Variants in RAPGEF4 observed in about 807,000 individuals in gnomAD.
The protein encoded by RAPGEF4 is RAP guanine-nucleotide-exchange factor (GEF) 4.
RAPGEF4 carries 66 observed loss-of-function variants against 147.9 expected under a neutral mutation model. The ratio of observed to expected loss-of-function variants is 0.45; its 90% CI spans 0.37 to 0.55. RAPGEF4 has a LOEUF of 0.55. RAPGEF4 is among the 20% of genes least tolerant of loss of function. The pLI, the probability that RAPGEF4 is intolerant of heterozygous loss-of-function variation, is 0.00. For missense variants in RAPGEF4, 1,071 were observed against 1,257.3 expected, an observed-to-expected ratio of 0.85 and a Z score of 2.24; for synonymous variants, 419 against 442.7, an observed-to-expected ratio of 0.95 and a Z score of 0.67.
intron 17 of RAPGEF4, among the ~76,000 whole-genome samples, chr2:173,014,176 C>T (rs182534732): frequency 6.6e-5 from 10 of 152,304 alleles, no homozygotes; most frequent in Non-Finnish European, 1.2e-4. Flanking sequence ...CAGAGAATGA[C>T]AGCTAGAGCT....
At chr2:172,970,686 G>A (rs1215490770) in intron 10 of RAPGEF4, among the ~76,000 whole-genome samples, 1 of 151,932 alleles carries the variant, frequency 6.6e-6, no homozygotes, top group Admixed American at 6.6e-5. Flanking sequence ...AAAATTCTCT[G>A]TTTATTACAT....
rs183096630 is a variant in RAPGEF4, at chr2:173,014,532, G to A, written c.1727G>A (p.Arg576Gln). 8.1e-6 allele frequency: 13 copies of A among 1,614,096 alleles called. No individual in the cohort carries two copies. The highest frequency in any genetic ancestry group is 1.6e-4 in the Middle Eastern group (1 of 6,062). The change falls in exon 18 of 31, where the codon CGA becomes CAA. Residue 576 changes from arginine (R) to glutamine (Q), a missense_variant. Arg to Gln is a conservative substitution (Grantham distance 43, BLOSUM62 1). Transcript: ENST00000397081. ...GATTATGCCCTCAACAATAAGAGGC[G>A]AGTCATCCGCCTGGTTCTACAGTGG... is the stretch of plus-strand genomic sequence containing the variant. The part of the protein sequence containing the change: ...KMDYALNNKR[R>Q]VIRLVLQWAA...
At chr2:172,878,847 A>T (rs1696269205) in intron 4 of RAPGEF4, among the ~76,000 whole-genome samples, 1 of 152,184 alleles carries the variant, frequency 6.6e-6, no homozygotes, top group South Asian at 2.1e-4. Context: ...ACGTAAATGG[A>T]GACAATTAGA....
intron 4 of RAPGEF4, among the ~76,000 whole-genome samples, chr2:172,916,298 C>T (rs1684065356): frequency 6.6e-6 from 1 of 152,166 alleles, no homozygotes; most frequent in Non-Finnish European, 1.5e-5. Flanking sequence ...ATGGCCCCTT[C>T]AATTTAACAG....
chr2:173,010,078 C>T (rs1694863599), intron 17 of RAPGEF4, among the ~76,000 whole-genome samples: 2 of 152,128 alleles, frequency 1.3e-5, no homozygotes, highest in Admixed American at 6.5e-5. Flanking sequence ...TTGGAAAAAT[C>T]ACTTAAACTC....
At chr2:172,967,162 C>T (rs1424837716) in intron 9 of RAPGEF4, 99 bp from the exon 10 acceptor site, 1 of 1,228,640 alleles carries the variant, frequency 8.1e-7, no homozygotes, top group Non-Finnish European at 1.1e-6. Context: ...GCTTTGCTGC[C>T]ACTTGGCCCT....
chr2:173,009,244 C>T (rs1694784054), intron 17 of RAPGEF4, among the ~76,000 whole-genome samples: 1 of 152,184 alleles, frequency 6.6e-6, no homozygotes, highest in Non-Finnish European at 1.5e-5. Flanking sequence ...TAATTAAAGG[C>T]TCTTAAATAG....
intron 4 of RAPGEF4, among the ~76,000 whole-genome samples, chr2:172,839,760 A>C (rs1691374981): frequency 6.6e-6 from 1 of 152,200 alleles, no homozygotes; most frequent in Non-Finnish European, 1.5e-5. Context: ...TCATCATCTT[A>C]AGCTTTAGGG....
intron 1 of RAPGEF4, among the ~76,000 whole-genome samples, chr2:172,753,183 A>G (rs1311829550): frequency 6.6e-6 from 1 of 152,202 alleles, no homozygotes; most frequent in African/African-American, 2.4e-5. Context: ...TTTGAGTTAT[A>G]TGAAATATCA....
intron 9 of RAPGEF4, 166 bp from the exon 10 acceptor site, chr2:172,967,095 T>C (rs1272909298): frequency 1.7e-5 from 11 of 643,680 alleles, no homozygotes; most frequent in Non-Finnish European, 2.6e-5. Flanking sequence ...CCCGAGGTCA[T>C]GTCTTCCAGC....
chr2:172,897,621 C>G (rs957870108), intron 4 of RAPGEF4, among the ~76,000 whole-genome samples: 1 of 151,802 alleles, frequency 6.6e-6, no homozygotes, highest in African/African-American at 2.4e-5. Flanking sequence ...AGGCTATTCT[C>G]GAACTCCTGG....
intron 4 of RAPGEF4, among the ~76,000 whole-genome samples, chr2:172,846,205 A>G (rs1053032612): frequency 1.3e-5 from 2 of 152,204 alleles, no homozygotes; most frequent in Non-Finnish European, 2.9e-5. Flanking sequence ...GAGCAGTTTT[A>G]TCCTTCCAAT....
intron 6 of RAPGEF4, among the ~76,000 whole-genome samples, chr2:172,936,517 A>G (rs181770728): frequency 1.9e-4 from 29 of 152,252 alleles, no homozygotes; most frequent in African/African-American, 6.3e-4. Context: ...AATTTTTTTA[A>G]GGATTTTTAA....
chr2:173,010,343 T>G (rs1320717029), intron 17 of RAPGEF4, among the ~76,000 whole-genome samples: 1 of 152,244 alleles, frequency 6.6e-6, no homozygotes, highest in Non-Finnish European at 1.5e-5. Flanking sequence ...CCATGTTGTC[T>G]TTCTGCATCT....
intron 15 of RAPGEF4, among the ~76,000 whole-genome samples, chr2:172,995,218 T>G (rs1693212473): frequency 6.6e-6 from 1 of 151,586 alleles, no homozygotes; most frequent in Admixed American, 6.6e-5. Context: ...GACAATTTTA[T>G]TTTCATTGTT....
At chr2:172,810,201 G>A (rs746925662) in intron 3 of RAPGEF4, among the ~76,000 whole-genome samples, 1 of 152,156 alleles carries the variant, frequency 6.6e-6, no homozygotes, top group Non-Finnish European at 1.5e-5. Context: ...ATCGTCTTGG[G>A]CAAGTCACTG....
At chr2:172,969,711 A>T (rs547900770) in intron 10 of RAPGEF4, among the ~76,000 whole-genome samples, 2 of 152,338 alleles carry the variant, frequency 1.3e-5, no homozygotes, top group South Asian at 4.1e-4. Context: ...TCCAACAATC[A>T]TCAATTGAGT....
chr2:172,988,205 A>T lies in RAPGEF4; in HGVS notation c.1160A>T (p.Gln387Leu). ...HAKGGTVLFN[Q>L]GEEGTSWYII... ...ATCTTTTTGTGTCTAGTGTTTAACC[A>T]GGGGGAAGAAGGTACCTCCTGGTAC... The change falls in exon 13 of 31, where the codon CAG becomes CTG. Residue 387 changes from glutamine (Q) to leucine (L), a missense_variant. Physicochemically the swap from Gln to Leu is moderately radical, Grantham distance 113. Transcript: ENST00000397081. 6.2e-7 allele frequency: 1 copy of T among 1,607,046 alleles called. No individual in the cohort carries two copies. The highest frequency in any genetic ancestry group is 8.5e-7 in the Non-Finnish European group (1 of 1,178,342).
intron 6 of RAPGEF4, among the ~76,000 whole-genome samples, chr2:172,928,796 C>A (rs185017185): frequency 4.6e-5 from 7 of 152,212 alleles, no homozygotes; most frequent in African/African-American, 1.2e-4. Flanking sequence ...TCCCAGATAA[C>A]CTGTGTAATG....
Sources: allele counts gnomAD v4.1 joint callset (sites outside exome capture counted in the v4.1 genomes callset), GRCh38; gene constraint gnomAD v4.1.1; transcripts MANE v1.5; gene names NCBI Gene and HGNC (gene_info 2026-07-23, HGNC 2026-07-21).